CCZ1: variants seen among roughly 807,000 people sequenced by gnomAD.
CCZ1 encodes CCZ1 vacuolar protein trafficking and biogenesis associated.
CCZ1 carries 19 observed loss-of-function variants against 57.8 expected under a neutral mutation model. The observed-to-expected ratio is 0.33, with a 90% CI of 0.23 to 0.48. The LOEUF is 0.48. Among genes scored for constraint, CCZ1 ranks in the 20% least tolerant of loss-of-function variants. The pLI is 0.99. For missense variants in CCZ1, 200 were observed against 492.0 expected, an observed-to-expected ratio of 0.41 and a Z score of 5.61; for synonymous variants, 81 against 167.0, an observed-to-expected ratio of 0.49 and a Z score of 3.97.
intron 1 of CCZ1, among the ~76,000 whole-genome samples, chr7:5,899,889 A>C (rs1781643003): frequency 6.7e-6 from 1 of 148,780 alleles, no homozygotes; most frequent in African/African-American, 2.5e-5. Flanking sequence ...GTGTATTACA[A>C]ATTAGCACTA....
intron 8 of CCZ1, 192 bp downstream of exon 8, chr7:5,910,308 A>C (rs957164523): frequency 4.1e-6 from 2 of 484,428 alleles, no homozygotes; most frequent in Non-Finnish European, 7.2e-6. Flanking sequence ...TGTGACATTC[A>C]GATGTGATAC....
chr7:5,910,554 C>T (rs547614567), intron 8 of CCZ1, among the ~76,000 whole-genome samples: 6 of 145,642 alleles, frequency 4.1e-5, no homozygotes, highest in Non-Finnish European at 7.5e-5. Context: ...TCTCGAACTC[C>T]TGACCTTGTG....
chr7:5,899,784 A>G (rs948130488), intron 1 of CCZ1, among the ~76,000 whole-genome samples: 6 of 151,826 alleles, frequency 4.0e-5, no homozygotes, highest in African/African-American at 9.7e-5. Context: ...AAAAAAAGCA[A>G]CTTGTCAGTT....
At chr7:5,905,355 C>A in intron 7 of CCZ1, 86 bp downstream of exon 7, 1 of 720,872 alleles carries the variant, frequency 1.4e-6, no homozygotes, top group Non-Finnish European at 2.2e-6. Flanking sequence ...GGTTGTCAAA[C>A]AGGAACTTGC....
At chr7:5,901,768 G>T (rs1222826576) in intron 5 of CCZ1, 64 bp downstream of exon 5, 1 of 1,572,832 alleles carries the variant, frequency 6.4e-7, no homozygotes, top group African/African-American at 1.4e-5. Context: ...AGGCTCCAGG[G>T]TTGTTTAAAG....
intron 7 of CCZ1, among the ~76,000 whole-genome samples, chr7:5,906,064 CT>C (rs1290134959): frequency 4.1e-5 from 6 of 145,318 alleles, no homozygotes; most frequent in Non-Finnish European, 7.5e-5. Context: ...AACTAGATTT[CT>C]TTTTTTTTAA....
intron 10 of CCZ1, among the ~76,000 whole-genome samples, chr7:5,915,182 C>CT (rs1779125078): frequency 6.7e-6 from 1 of 149,140 alleles, no homozygotes; most frequent in East Asian, 2.0e-4. Context: ...ACATGGTGTG[C>CT]TTGAGAGTCA....
At chr7:5,902,375 T>G (rs1392348311) in intron 5 of CCZ1, 4 of 292,924 alleles carry the variant, frequency 1.4e-5, no homozygotes, top group Non-Finnish European at 2.4e-5. Flanking sequence ...AAAACAGAAA[T>G]GTGGGTGATA....
intron 10 of CCZ1, chr7:5,918,473 T>C: frequency 2.9e-6 from 1 of 344,050 alleles, no homozygotes; most frequent in Non-Finnish European, 5.6e-6. Context: ...AATTCTCTAT[T>C]CTCTCTGGAC....
chr7:5,902,373 A>C (rs2128610549), intron 5 of CCZ1: 1 of 305,940 alleles, frequency 3.3e-6, no homozygotes, highest in South Asian at 5.5e-5. Flanking sequence ...AAAAAACAGA[A>C]ATGTGGGTGA....
intron 5 of CCZ1, 161 bp from the exon 6 acceptor site, chr7:5,902,500 C>T (rs773790691): frequency 8.4e-5 from 107 of 1,272,240 alleles, no homozygotes; most frequent in Non-Finnish European, 1.1e-4. Context: ...TTGTAACTTA[C>T]ATTTTTAACT....
chr7:5,911,469 A>AT (rs11462055), intron 8 of CCZ1, among the ~76,000 whole-genome samples: 44,431 of 147,396 alleles, frequency 0.3, 8,393 homozygotes, highest in East Asian at 0.74. Flanking sequence ...CACCTGGCTA[A>AT]TTTTTTGTAG....
At chr7:5,903,264 C>G (rs1781725502) in intron 6 of CCZ1, among the ~76,000 whole-genome samples, 1 of 144,900 alleles carries the variant, frequency 6.9e-6, no homozygotes, top group Non-Finnish European at 1.5e-5. Context: ...GCATGTTTCA[C>G]CCTACCTTGT....
chr7:5,911,548 GC>G (rs1779032590), intron 8 of CCZ1, among the ~76,000 whole-genome samples: 1 of 148,980 alleles, frequency 6.7e-6, no homozygotes, highest in Non-Finnish European at 1.5e-5. Context: ...GCCTGCCTTG[GC>G]CTCCCAAAGT....
rs538725042 is a variant in CCZ1, at chr7:5,921,208, C to T, written c.1106+1242C>T. ...CCTCCCAAAGTGCTGGGATGACAGGCGTGAGCCACCGCGCCCGGCCCATAT... is the reference window on the plus strand; with the variant it reads ...CCTCCCAAAGTGCTGGGATGACAGGTGTGAGCCACCGCGCCCGGCCCATAT... On this transcript the variant is annotated intron_variant, in intron 12 of 14. Coordinates refer to ENST00000325974, the MANE Select transcript of CCZ1 (RefSeq NM_015622.6). Among the ~76,000 whole-genome samples the T allele has an allele frequency of 8.7e-3, 1,158 of 132,766 alleles. 19 individuals are homozygous for T. Among genetic ancestry groups the T allele is most frequent in the African/African-American group, 0.032 (1,115 of 35,216 alleles). 87.1% of individuals were successfully genotyped at this position (132,766 alleles called of 152,430 possible).
intron 5 of CCZ1, chr7:5,902,124 T>C: frequency 5.6e-6 from 1 of 177,632 alleles, no homozygotes; most frequent in Non-Finnish European, 1.1e-5. Context: ...CAAGAACCCA[T>C]CTCTACAAAA....
At chr7:5,903,318 GGTCTT>G (rs1482483783) in intron 6 of CCZ1, among the ~76,000 whole-genome samples, 4 of 141,998 alleles carry the variant, frequency 2.8e-5, no homozygotes, top group Middle Eastern at 6.7e-3. Context: ...AAAGAGACAG[GGTCTT>G]GTCTTGGTTG....
intron 14 of CCZ1, among the ~76,000 whole-genome samples, chr7:5,924,518 G>A (rs1277869946): frequency 9.0e-6 from 1 of 111,214 alleles, no homozygotes; most frequent in Admixed American, 9.0e-5. Context: ...ACAGGCGTGA[G>A]CCACCTTGCC....
At chr7:5,910,869 G>C (rs1451112852) in intron 8 of CCZ1, among the ~76,000 whole-genome samples, 1 of 147,226 alleles carries the variant, frequency 6.8e-6, no homozygotes, top group Non-Finnish European at 1.5e-5. Flanking sequence ...CCGAGTAGCT[G>C]AGATTATAGG....
Sources: gnomAD v4.1 joint callset for allele counts (sites outside exome capture counted in the v4.1 genomes callset) on GRCh38, gnomAD v4.1.1 for gene constraint, MANE v1.5 for transcripts, NCBI Gene and HGNC (gene_info 2026-07-23, HGNC 2026-07-21) for gene names.